The following GRXCR1 variants were observed in gnomAD, a reference collection of about 807,000 sequenced individuals.
GRXCR1 encodes glutaredoxin domain-containing cysteine-rich protein 1.
A neutral mutation model predicts 27.3 loss-of-function variants in GRXCR1; 27 were observed. The ratio of observed to expected loss-of-function variants is 0.99; its 90% CI spans 0.73 to 1.37. The LOEUF (loss-of-function observed/expected upper bound fraction) is 1.37. GRXCR1 is among the 40% of genes most tolerant of loss of function. The pLI is 0.00. For synonymous variants in GRXCR1, 122 were observed against 131.1 expected (o/e 0.93, Z 0.47); for missense variants, 379 against 354.4 (o/e 1.07, Z -0.56).
At chr4:43,001,964 C>A (rs1712380128) in intron 2 of GRXCR1, among the ~76,000 whole-genome samples, 1 of 152,198 alleles carries the variant, frequency 6.6e-6, no homozygotes, top group South Asian at 2.1e-4. Flanking sequence ...GCATGTGGGC[C>A]AGATTTATGT....
rs527652114 is a variant in GRXCR1 at position 43,008,287 on chromosome 4, G to T, written c.628-12067G>T. On this transcript the variant is annotated intron_variant, in intron 2 of 3. Coordinates refer to ENST00000399770, the MANE Select transcript of GRXCR1 (RefSeq NM_001080476.3). The stretch of plus-strand genomic sequence containing the variant: ...TAGCCCATCTTCTAAACAAGAGGAC[G>T]GTATATTTACTTTCTGGATGGTCCC... Among the ~76,000 whole-genome samples the T allele has an allele frequency of 2.1e-4, 32 of 152,182 alleles. 3 individuals carry two copies. The highest frequency in any genetic ancestry group is 1.9e-3 in the South Asian group (9 of 4,820).
At chr4:42,996,638 T>G (rs1189419805) in intron 2 of GRXCR1, among the ~76,000 whole-genome samples, 1 of 152,118 alleles carries the variant, frequency 6.6e-6, no homozygotes, top group Non-Finnish European at 1.5e-5. Flanking sequence ...TTCCATTTAT[T>G]GTGAATTTAT....
At chr4:42,903,129 G>T (rs1176835148) in intron 1 of GRXCR1, among the ~76,000 whole-genome samples, 5 of 151,976 alleles carry the variant, frequency 3.3e-5, no homozygotes, top group Non-Finnish European at 5.9e-5. Flanking sequence ...CTCTCTCAGT[G>T]CCTGGTGCTT....
At chr4:42,916,790 C>T (rs1226563084) in intron 1 of GRXCR1, among the ~76,000 whole-genome samples, 1 of 152,118 alleles carries the variant, frequency 6.6e-6, no homozygotes, top group Non-Finnish European at 1.5e-5. Context: ...ATAATCTGTT[C>T]CTCATCAAAG....
intron 2 of GRXCR1, among the ~76,000 whole-genome samples, chr4:43,004,706 T>C (rs918312021): frequency 2.0e-5 from 3 of 152,220 alleles, no homozygotes; most frequent in African/African-American, 7.2e-5. Flanking sequence ...TATAGCCCTT[T>C]TGTTTTGGCC....
At chr4:42,984,516 G>C (rs1711619460) in intron 2 of GRXCR1, among the ~76,000 whole-genome samples, 1 of 152,186 alleles carries the variant, frequency 6.6e-6, no homozygotes, top group African/African-American at 2.4e-5. Context: ...ACCTATTCTA[G>C]TCTTCTAGAC....
At chr4:43,001,077 T>C (rs1412455025) in intron 2 of GRXCR1, among the ~76,000 whole-genome samples, 2 of 150,914 alleles carry the variant, frequency 1.3e-5, no homozygotes, top group Non-Finnish European at 3.0e-5. Flanking sequence ...CAGGGAGCCC[T>C]CATTGTGCCC....
intron 2 of GRXCR1, among the ~76,000 whole-genome samples, chr4:42,974,011 C>G (rs1748448304): frequency 6.6e-6 from 1 of 152,142 alleles, no homozygotes; most frequent in East Asian, 1.9e-4. Flanking sequence ...GTGCATGCTA[C>G]AGTTGTTATA....
rs149017750 is a variant in GRXCR1, at chr4:43,011,480, C to T, written c.628-8874C>T. 1.5e-3 allele frequency among the ~76,000 whole-genome samples: 226 copies of T among 152,200 alleles called. 2 individuals carry two copies. Among genetic ancestry groups the T allele is most frequent in the African/African-American group, 4.6e-3 (192 of 41,514 alleles). ...CAGGTCTTGTTTGGTTCTGTAATAC[C>T]GTACCTTCCCCATGACCCTTAGACC... On this transcript the variant is annotated intron_variant, in intron 2 of 3. Transcript: ENST00000399770.
intron 2 of GRXCR1, among the ~76,000 whole-genome samples, chr4:42,973,468 C>A (rs13133255): frequency 0.05 from 7,634 of 151,608 alleles, 263 homozygotes; most frequent in African/African-American, 0.089. Flanking sequence ...GGGTCCTTGC[C>A]GATGTTTTTT....
At chr4:42,970,578 T>G (rs1036432624) in intron 2 of GRXCR1, among the ~76,000 whole-genome samples, 3 of 152,134 alleles carry the variant, frequency 2.0e-5, no homozygotes, top group African/African-American at 7.2e-5. Flanking sequence ...TTTGTCCCCT[T>G]TTAGCCAAAG....
intron 3 of GRXCR1, among the ~76,000 whole-genome samples, chr4:43,020,769 C>T (rs1331867041): frequency 1.3e-5 from 2 of 152,096 alleles, no homozygotes; most frequent in Non-Finnish European, 2.9e-5. Context: ...CATGGATCTT[C>T]CTACATATAG....
chr4:43,000,669 G>GTATATATA (rs4035884), intron 2 of GRXCR1, among the ~76,000 whole-genome samples: 64 of 149,798 alleles, frequency 4.3e-4, no homozygotes, highest in African/African-American at 1.6e-3. Flanking sequence ...ATTGTTAGAG[G>GTATATATA]TATATATATA....
intron 2 of GRXCR1, among the ~76,000 whole-genome samples, chr4:42,980,568 G>A (rs760728986): frequency 1.7e-4 from 26 of 152,086 alleles, no homozygotes; most frequent in African/African-American, 4.6e-4. Context: ...CATGTGATCT[G>A]TCCTGAAGAC....
Position 42,959,672 on chromosome 4 carries a change from T to C in GRXCR1, c.385-3220T>C, listed in dbSNP as rs1177107319. Among the ~76,000 whole-genome samples the C allele has an allele frequency of 2.0e-5, 3 of 151,938 alleles. No individual in the cohort carries two copies. The East Asian group carries it at 5.8e-4, about 29-fold the overall frequency. On this transcript the variant is annotated intron_variant, in intron 1 of 3. Transcript: ENST00000399770. The stretch of plus-strand genomic sequence containing the variant: ...CTTAAGTATGTACAACTTAAAAATA[T>C]ATAATATGTTTCCAAATTCCAAGAA...
At chr4:42,919,028 A>G (rs1746948249) in intron 1 of GRXCR1, among the ~76,000 whole-genome samples, 1 of 152,192 alleles carries the variant, frequency 6.6e-6, no homozygotes, top group Non-Finnish European at 1.5e-5. Flanking sequence ...TGTCATGTCA[A>G]TAATAGCCAG....
Position 42,983,734 on chromosome 4 carries a change from T to C in GRXCR1, c.627+20600T>C, listed in dbSNP as rs146291211. Reference sequence around the variant, plus strand: ...TATTTCCTATTTTAATGCTCTGCCATAAATCCTGTTAACTTTTTAAAATTC... The same window carrying C: ...TATTTCCTATTTTAATGCTCTGCCACAAATCCTGTTAACTTTTTAAAATTC... On this transcript the variant is annotated intron_variant, in intron 2 of 3. Coordinates refer to ENST00000399770, the MANE Select transcript of GRXCR1 (RefSeq NM_001080476.3). Among the ~76,000 whole-genome samples, 22 of 152,280 alleles carry C rather than the reference T, an allele frequency of 1.4e-4. No individual in the cohort carries two copies. The South Asian group carries it at 2.3e-3, about 16-fold the overall frequency.
At chr4:43,003,376 A>G (rs1028141722) in intron 2 of GRXCR1, among the ~76,000 whole-genome samples, 8 of 152,208 alleles carry the variant, frequency 5.3e-5, no homozygotes, top group African/African-American at 1.9e-4. Flanking sequence ...AAAGTGGGGC[A>G]TTGCTATAAA....
chr4:43,001,734 G>A (rs1283769559), intron 2 of GRXCR1, among the ~76,000 whole-genome samples: 2 of 152,264 alleles, frequency 1.3e-5, no homozygotes, highest in Non-Finnish European at 2.9e-5. Context: ...GTATAGAGAA[G>A]CAACAGTGGG....
Sources: gnomAD v4.1 joint callset for allele counts (sites outside exome capture counted in the v4.1 genomes callset) on GRCh38, gnomAD v4.1.1 for gene constraint, MANE v1.5 for transcripts, NCBI Gene and HGNC (gene_info 2026-07-23, HGNC 2026-07-21) for gene names.